The following FAT3 variants were observed in gnomAD, a reference collection of about 807,000 sequenced individuals.
FAT3 encodes protocadherin Fat 3.
In FAT3, 95 loss-of-function variants were observed where a neutral mutation model predicts 310.2. The ratio of observed to expected loss-of-function variants is 0.31; its 90% CI spans 0.26 to 0.36. The LOEUF is 0.36. FAT3 is among the 10% of genes least tolerant of loss of function. The probability of loss-of-function intolerance (pLI) is 1.00; values close to 1 mark genes in which losing one functional copy is unlikely to be tolerated. For missense variants in FAT3, 5,408 were observed against 5,715.6 expected (o/e 0.95, Z 1.74); for synonymous variants, 2,314 against 2,192.9 (o/e 1.06, Z -1.54).
At chr11:92,718,846 G>C (rs1297284688) in intron 4 of FAT3, among the ~76,000 whole-genome samples, 1 of 152,144 alleles carries the variant, frequency 6.6e-6, no homozygotes, top group Non-Finnish European at 1.5e-5. Flanking sequence ...TGCACTCTAA[G>C]TCTAATGATC....
At position 92,650,307 on chromosome 11, in the gene FAT3, T is replaced by A. The variant is rs1942329486; in HGVS notation, c.3608-47077T>A. On this transcript the variant is annotated intron_variant, in intron 3 of 27. Coordinates refer to ENST00000525166, the MANE Select transcript of FAT3 (RefSeq NM_001367949.2). Reference sequence around the variant, plus strand: ...CTTAACTTCCTGATGACATGAGTCTTCCAGATATTGTATTTGTCCCCTGTA... The same window carrying A: ...CTTAACTTCCTGATGACATGAGTCTACCAGATATTGTATTTGTCCCCTGTA... Among the ~76,000 whole-genome samples, 2 of 152,160 alleles carry A rather than the reference T, an allele frequency of 1.3e-5. 1 individual carries two copies. Among genetic ancestry groups the A allele is most frequent in the South Asian group, 4.1e-4 (2 of 4,828 alleles).
rs906473521 is a variant in FAT3 at position 92,474,710 on chromosome 11, G to C, written c.3293-49924G>C. Among the ~76,000 whole-genome samples, 11 of 152,256 alleles carry C rather than the reference G, an allele frequency of 7.2e-5. No individual in the cohort carries two copies. The South Asian group carries it at 1.2e-3, about 17-fold the overall frequency. On this transcript the variant is annotated intron_variant, in intron 2 of 27. Transcript: ENST00000525166. The stretch of plus-strand genomic sequence containing the variant: ...TGGAGATGGAAATCAGAAACTAGAA[G>C]GTGGAGTGGGAGTTACCAAGTAAAG...
chr11:92,483,364 C>T (rs1052084108), intron 2 of FAT3, among the ~76,000 whole-genome samples: 4 of 151,184 alleles, frequency 2.6e-5, no homozygotes, highest in Non-Finnish European at 4.4e-5. Flanking sequence ...GAGGCAGAGT[C>T]TCGCTCTGTC....
At chr11:92,234,192 T>G (rs993224654) in intron 1 of FAT3, among the ~76,000 whole-genome samples, 2 of 152,256 alleles carry the variant, frequency 1.3e-5, no homozygotes, top group African/African-American at 4.8e-5. Flanking sequence ...GCAAATTATT[T>G]TTATAAAGTA....
intron 2 of FAT3, among the ~76,000 whole-genome samples, chr11:92,438,029 T>C (rs949622488): frequency 1.3e-5 from 2 of 152,178 alleles, no homozygotes; most frequent in Non-Finnish European, 2.9e-5. Context: ...TCACAGTTGA[T>C]GCTGAAAACT....
At chr11:92,849,060 T>G (rs550170822) in intron 19 of FAT3, among the ~76,000 whole-genome samples, 1 of 152,364 alleles carries the variant, frequency 6.6e-6, no homozygotes, top group Non-Finnish European at 1.5e-5. Context: ...TAATTGCATT[T>G]AACTCTTACT....
chr11:92,322,826 C>G (rs1947657277), intron 1 of FAT3, among the ~76,000 whole-genome samples: 1 of 152,182 alleles, frequency 6.6e-6, no homozygotes, highest in African/African-American at 2.4e-5. Flanking sequence ...CCCACCACAT[C>G]TGCCGTGACT....
At chr11:92,828,365 T>C (rs1948152135) in intron 13 of FAT3, among the ~76,000 whole-genome samples, 1 of 152,158 alleles carries the variant, frequency 6.6e-6, no homozygotes, top group South Asian at 2.1e-4. Flanking sequence ...CAATTGTGTC[T>C]AAATTGGAGG....
intron 21 of FAT3, among the ~76,000 whole-genome samples, chr11:92,866,152 A>C (rs1001400392): frequency 6.6e-6 from 1 of 152,196 alleles, no homozygotes; most frequent in Non-Finnish European, 1.5e-5. Flanking sequence ...CATTTCTACC[A>C]GGCCTCTTTC....
chr11:92,615,267 A>G (rs1940746715), intron 3 of FAT3, among the ~76,000 whole-genome samples: 1 of 151,996 alleles, frequency 6.6e-6, no homozygotes, highest in Non-Finnish European at 1.5e-5. Flanking sequence ...TTTTTTTGAG[A>G]CAGAGTTTCG....
intron 3 of FAT3, among the ~76,000 whole-genome samples, chr11:92,545,332 G>A (rs966296395): frequency 2.6e-5 from 4 of 152,092 alleles, no homozygotes; most frequent in Admixed American, 2.6e-4. Context: ...AGGTATATAT[G>A]TGACCTATTT....
intron 4 of FAT3, among the ~76,000 whole-genome samples, chr11:92,761,297 T>G (rs901390321): frequency 2.6e-5 from 4 of 152,220 alleles, no homozygotes; most frequent in Non-Finnish European, 4.4e-5. Context: ...CTTCACAGCC[T>G]CTTTCGAAGG....
chr11:92,481,311 A>T (rs181577649), intron 2 of FAT3, among the ~76,000 whole-genome samples: 25 of 116,690 alleles, frequency 2.1e-4, no homozygotes, highest in African/African-American at 7.2e-4. Context: ...TCTTTATATT[A>T]TTTATTGGGA....
chr11:92,891,189 G>A lies in FAT3; in HGVS notation c.*76G>A, dbSNP rs2136451860. On this transcript the variant is annotated 3_prime_UTR_variant, in exon 28 of 28. Transcript: ENST00000525166. ...GATTGGCTGGGCTTCTGTCCCAGTG[G>A]AGCATTGTCTGTGGAATGAGAAGGG... is the stretch of plus-strand genomic sequence containing the variant. 1 of 1,542,700 alleles carries A rather than the reference G, an allele frequency of 6.5e-7. No individual in the cohort carries two copies. Among genetic ancestry groups the A allele is most frequent in the Non-Finnish European group, 8.8e-7 (1 of 1,139,832 alleles).
intron 1 of FAT3, among the ~76,000 whole-genome samples, chr11:92,263,818 T>A (rs1414926776): frequency 6.6e-6 from 1 of 152,090 alleles, no homozygotes; most frequent in Non-Finnish European, 1.5e-5. Context: ...TTCATCTTGA[T>A]GTCTTTTGTT....
rs180851857 is a variant in FAT3 at position 92,470,419 on chromosome 11, A to G, written c.3293-54215A>G. On this transcript the variant is annotated intron_variant, in intron 2 of 27. Coordinates refer to ENST00000525166, the MANE Select transcript of FAT3 (RefSeq NM_001367949.2). The stretch of plus-strand genomic sequence containing the variant: ...AGTTTCAGCTATATTTTCTATTTAG[A>G]TCTGGCTTAAATCTTCTTAAACCTG... Among the ~76,000 whole-genome samples, 883 of 152,294 alleles carry G rather than the reference A, an allele frequency of 5.8e-3. 5 individuals are homozygous for G. The highest frequency in any genetic ancestry group is 0.01 in the Middle Eastern group (3 of 294).
chr11:92,800,212 A>G lies in FAT3; in HGVS notation c.7199A>G (p.Glu2400Gly), dbSNP rs191031398. The G allele has an allele frequency of 4.8e-5, 77 of 1,613,986 alleles. No individual in the cohort carries two copies. Among genetic ancestry groups the G allele is most frequent in the Non-Finnish European group, 6.1e-5 (72 of 1,179,864 alleles). Residue 2400 changes from glutamate to glycine, a missense_variant, in exon 10 of 28, where the codon GAG becomes GGG. This residue lies in a region of FAT3 where 4,588 missense variants were observed against 4,809.8 expected (regional missense o/e 0.95). Coordinates refer to ENST00000525166, the MANE Select transcript of FAT3 (RefSeq NM_001367949.2). ...CCAGTTTTTAATCAGCTCATTTATGAGTCATATGTGAGTGAATTAGCCCCC... is the reference window on the plus strand; with the variant it reads ...CCAGTTTTTAATCAGCTCATTTATGGGTCATATGTGAGTGAATTAGCCCCC... ...NPPVFNQLIY[E>G]SYVSELAPRG...
intron 2 of FAT3, among the ~76,000 whole-genome samples, chr11:92,458,196 A>G (rs1951546343): frequency 6.6e-6 from 1 of 152,154 alleles, no homozygotes; most frequent in Admixed American, 6.6e-5. Context: ...TAAATATTTT[A>G]TCTAATGGAA....
intron 21 of FAT3, among the ~76,000 whole-genome samples, chr11:92,863,159 G>T (rs1284983768): frequency 6.6e-6 from 1 of 152,020 alleles, no homozygotes; most frequent in Non-Finnish European, 1.5e-5. Flanking sequence ...TGTTCCCCAG[G>T]CTGGTCTCAA....
Sources: allele counts gnomAD v4.1 joint callset (sites outside exome capture counted in the v4.1 genomes callset), GRCh38; gene constraint gnomAD v4.1.1; regional missense constraint gnomAD v4.1.1; transcripts MANE v1.5; gene names NCBI Gene and HGNC (gene_info 2026-07-23, HGNC 2026-07-21).